Variants in PACSIN2 observed in about 807,000 individuals in gnomAD.
The protein encoded by PACSIN2 is protein kinase C and casein kinase substrate in neurons protein 2.
A neutral mutation model predicts 63.8 loss-of-function variants in PACSIN2; 25 were observed. The observed-to-expected ratio is 0.39, with a 90% CI of 0.29 to 0.55. The LOEUF is 0.55. Among genes scored for constraint, PACSIN2 ranks in the 20% least tolerant of loss-of-function variants. PACSIN2 has a pLI of 0.62. For missense variants in PACSIN2, 518 were observed against 646.9 expected (o/e 0.80, Z 2.16); for synonymous variants, 255 against 256.2 (o/e 1.00, Z 0.05).
intron 3 of PACSIN2, among the ~76,000 whole-genome samples, chr22:42,891,485 C>G (rs1204766410): frequency 6.6e-6 from 1 of 152,162 alleles, no homozygotes; most frequent in Non-Finnish European, 1.5e-5. Context: ...ACTGCAAACT[C>G]TGTCTCCCAG....
chr22:42,949,380 C>T (rs992697228), intron 1 of PACSIN2, among the ~76,000 whole-genome samples: 1 of 152,172 alleles, frequency 6.6e-6, no homozygotes, highest in Non-Finnish European at 1.5e-5. Context: ...AGGACTTACA[C>T]ACCCATTCTC....
At chr22:42,880,341 C>G (rs769799195) in intron 7 of PACSIN2, among the ~76,000 whole-genome samples, 6 of 152,190 alleles carry the variant, frequency 3.9e-5, no homozygotes, top group South Asian at 2.1e-4. Context: ...ATTTTCTGAC[C>G]AAAATAGATT....
intron 1 of PACSIN2, among the ~76,000 whole-genome samples, chr22:43,014,380 C>CGGT (rs1924735730): frequency 7.4e-6 from 1 of 134,828 alleles, no homozygotes; most frequent in Non-Finnish European, 1.6e-5. Context: ...CCCCCCCCCC[C>CGGT]GGGACACGGA....
intron 9 of PACSIN2, 123 bp from the exon 10 acceptor site, chr22:42,876,456 G>C: frequency 1.3e-6 from 1 of 752,934 alleles, no homozygotes; most frequent in Non-Finnish European, 2.2e-6. Context: ...TTCCGAAGGA[G>C]CACAGGTGGA....
intron 2 of PACSIN2, among the ~76,000 whole-genome samples, chr22:42,895,911 T>A (rs1407889652): frequency 6.6e-6 from 1 of 152,194 alleles, no homozygotes; most frequent in Admixed American, 6.5e-5. Context: ...TCACTGGAAG[T>A]CTCTATCGCC....
At chr22:42,899,902 C>T (rs1360619475) in intron 2 of PACSIN2, among the ~76,000 whole-genome samples, 2 of 152,032 alleles carry the variant, frequency 1.3e-5, no homozygotes, top group African/African-American at 2.4e-5. Context: ...AGTAGGGGTG[C>T]GAAGTTTATG....
chr22:42,873,265 T>A (rs1295451655), intron 10 of PACSIN2, among the ~76,000 whole-genome samples: 1 of 151,932 alleles, frequency 6.6e-6, no homozygotes, highest in African/African-American at 2.4e-5. Flanking sequence ...ATAGGCAGGA[T>A]TGAAAAGGAG....
At chr22:43,007,041 C>T (rs1355603355) in intron 1 of PACSIN2, among the ~76,000 whole-genome samples, 7 of 152,038 alleles carry the variant, frequency 4.6e-5, no homozygotes, top group South Asian at 2.1e-4. Flanking sequence ...ATCACCCCTC[C>T]CCCATCTGCA....
intron 1 of PACSIN2, among the ~76,000 whole-genome samples, chr22:42,938,117 GAAAC>G (rs1932990202): frequency 6.6e-6 from 1 of 152,126 alleles, no homozygotes. Flanking sequence ...AAATCTTTTT[GAAAC>G]AAACCAAGCA....
At chr22:42,892,303 A>C (rs1168180503) in intron 3 of PACSIN2, among the ~76,000 whole-genome samples, 1 of 152,152 alleles carries the variant, frequency 6.6e-6, no homozygotes, top group Non-Finnish European at 1.5e-5. Flanking sequence ...GCGCTGAGTC[A>C]TGACAGAGGT....
chr22:42,981,538 C>A (rs1265499335), intron 1 of PACSIN2, among the ~76,000 whole-genome samples: 4 of 107,108 alleles, frequency 3.7e-5, no homozygotes, highest in Non-Finnish European at 7.7e-5. Context: ...GTCAGCCCCC[C>A]GCCCGGCCGG....
At chr22:43,004,275 G>A (rs929155160) in intron 1 of PACSIN2, among the ~76,000 whole-genome samples, 6 of 152,144 alleles carry the variant, frequency 3.9e-5, no homozygotes, top group Non-Finnish European at 7.3e-5. Context: ...GAATTAAATG[G>A]GCAGGAATGT....
intron 1 of PACSIN2, among the ~76,000 whole-genome samples, chr22:42,921,619 G>A (rs946986180): frequency 2.6e-5 from 4 of 152,130 alleles, no homozygotes; most frequent in Non-Finnish European, 5.9e-5. Context: ...GAAATCTGAT[G>A]AGAATTCTTG....
chr22:42,931,792 G>A (rs953883705), intron 1 of PACSIN2, among the ~76,000 whole-genome samples: 1 of 152,124 alleles, frequency 6.6e-6, no homozygotes, highest in Non-Finnish European at 1.5e-5. Flanking sequence ...AACAACCAGG[G>A]TATATTCACT....
At chr22:42,957,104 AG>A (rs1267963843) in intron 1 of PACSIN2, among the ~76,000 whole-genome samples, 1 of 135,650 alleles carries the variant, frequency 7.4e-6, no homozygotes, top group African/African-American at 3.9e-5. Context: ...CTTCTTCTCT[AG>A]GATAATGTCG....
At chr22:42,960,937 G>C (rs56095483) in intron 1 of PACSIN2, among the ~76,000 whole-genome samples, 1 of 152,150 alleles carries the variant, frequency 6.6e-6, no homozygotes, top group Non-Finnish European at 1.5e-5. Flanking sequence ...TGCAAAAACA[G>C]ACAGGAAACA....
chr22:42,990,595 CAAAGACGGGAAG>C (rs1232016731), intron 1 of PACSIN2, among the ~76,000 whole-genome samples: 2 of 152,040 alleles, frequency 1.3e-5, no homozygotes, highest in African/African-American at 4.8e-5. Context: ...GTTCAGCAGG[CAAAGACGGGAAG>C]AATGGCATTT....
At chr22:42,872,396 A>G (rs114978663) in intron 10 of PACSIN2, among the ~76,000 whole-genome samples, 1,620 of 152,350 alleles carry the variant, frequency 0.011, 29 homozygotes, top group African/African-American at 0.036. Context: ...GGAGCAAGCA[A>G]TTGGTGGGAA....
At position 42,904,474 on chromosome 22, in the gene PACSIN2, A is replaced by G. The variant is rs192491583; in HGVS notation, c.60+7547T>C. Among the ~76,000 whole-genome samples, 1,242 of 152,292 alleles carry G rather than the reference A, an allele frequency of 8.2e-3. 22 individuals are homozygous for G. The highest frequency in any genetic ancestry group is 0.043 in the South Asian group (207 of 4,816). On this transcript the variant is annotated intron_variant, in intron 2 of 10. Coordinates refer to ENST00000263246, the MANE Select transcript of PACSIN2 (RefSeq NM_001184970.3). ...GCATCACCTTGCTGGAAGAGCTGCCATGGCGAGATCACCTGCCCGGTCCCT... is the reference window on the plus strand; with the variant it reads ...GCATCACCTTGCTGGAAGAGCTGCCGTGGCGAGATCACCTGCCCGGTCCCT...
Sources: allele counts gnomAD v4.1 joint callset (sites outside exome capture counted in the v4.1 genomes callset), GRCh38; gene constraint gnomAD v4.1.1; transcripts MANE v1.5; gene names NCBI Gene and HGNC (gene_info 2026-07-23, HGNC 2026-07-21).